The following CCDC15 variants were observed in gnomAD, a reference collection of about 807,000 sequenced individuals.
The protein encoded by CCDC15 is coiled-coil domain-containing protein 15.
Under a neutral mutation model 114.5 loss-of-function variants are expected in CCDC15, and 105 were observed. The observed-to-expected ratio is 0.92, with a 90% confidence interval of 0.78 to 1.08. The LOEUF is 1.08. Among genes scored for constraint, CCDC15 ranks in the 50% least tolerant of loss-of-function variants. The pLI, the probability that CCDC15 is intolerant of heterozygous loss-of-function variation, is 0.00. For missense variants in CCDC15, 1,105 were observed against 1,093.6 expected (o/e 1.01, Z -0.15); for synonymous variants, 334 against 377.8 (o/e 0.88, Z 1.34).
intron 2 of CCDC15, among the ~76,000 whole-genome samples, chr11:124,955,555 C>T (rs1255844392): frequency 6.6e-6 from 1 of 152,176 alleles, no homozygotes; most frequent in Non-Finnish European, 1.5e-5. Context: ...GCGTAGAGAA[C>T]AAATGTCATT....
chr11:124,957,403 T>C (rs573474854), intron 2 of CCDC15, among the ~76,000 whole-genome samples: 1 of 152,332 alleles, frequency 6.6e-6, no homozygotes, highest in African/African-American at 2.4e-5. Flanking sequence ...TGTTTCTCTT[T>C]TCACATGGCT....
At chr11:125,011,680 AT>A (rs1948594390) in intron 13 of CCDC15, among the ~76,000 whole-genome samples, 1 of 152,188 alleles carries the variant, frequency 6.6e-6, no homozygotes, top group South Asian at 2.1e-4. Flanking sequence ...GGGATAACTG[AT>A]TTAAGCCTGC....
chr11:124,986,691 T>TGTGTGTGTGTGTGTGTG lies in CCDC15; in HGVS notation c.754-51_754-50insGTGTGTGTGTGTGTGTG, dbSNP rs1555068459. On this transcript the variant is annotated intron_variant, in intron 6 of 15. Transcript: ENST00000344762. Reference sequence around the variant, plus strand: ...GCTGTGTGTGTGTGTGTGTGTGTGTTTGTGTGTGTGCGCGCGCGCGCGTGC... The same window carrying TGTGTGTGTGTGTGTGTG: ...GCTGTGTGTGTGTGTGTGTGTGTGTTGTGTGTGTGTGTGTGTGTGTGTGTGTGCGCGCGCGCGCGTGC... The TGTGTGTGTGTGTGTGTG allele has an allele frequency of 3.2e-4, 388 of 1,223,018 alleles. 5 individuals carry two copies. In the African/African-American group the frequency reaches 6.3e-3, roughly 20 times the overall value. The allele number at this position is 1,223,018 out of a possible 1,614,324, so 75.8% of individuals were successfully genotyped here.
Position 124,987,503 on chromosome 11 carries a change from T to A in CCDC15, c.1277T>A (p.Val426Asp), listed in dbSNP as rs1948190727. ...GCTCTTCTAACGAAAAACCAGGATG[T>A]TTTACTCAAAGACCACTGTGTTCTC... ...NQALLTKNQD[V>D]LLKDHCVLPK... is the part of the protein sequence containing the mutation. The change falls in exon 8 of 16, where the codon GTT becomes GAT. Residue 426 changes from valine to aspartate, a missense_variant. Val to Asp is a radical substitution (Grantham distance 152). Transcript: ENST00000344762. 3.1e-6 allele frequency: 5 copies of A among 1,613,864 alleles called. No homozygotes were observed. The highest frequency in any genetic ancestry group is 3.4e-6 in the Non-Finnish European group (4 of 1,179,894).
intron 15 of CCDC15, chr11:125,039,536 T>TTAGTCC (rs1948801814): frequency 6.5e-6 from 1 of 153,110 alleles, no homozygotes. Context: ...TAGAGAAAAC[T>TTAGTCC]TAGTCCTTCA....
chr11:125,026,607 A>G (rs537348488), intron 13 of CCDC15, among the ~76,000 whole-genome samples: 8 of 152,282 alleles, frequency 5.3e-5, no homozygotes, highest in Admixed American at 2.6e-4. Context: ...TGATTGGTGG[A>G]GGCTTCTATT....
rs751080852 is a variant in CCDC15, at chr11:124,975,127, G to A, written c.548G>A (p.Arg183Gln). ...LSETMKQARH[R>Q]LASFKTVIKK... ...GAAACTATGAAACAGGCACGTCACC[G>A]GCTAGCATCCTTTAAAACCGTGATT... The change falls in exon 5 of 16, where the codon CGG becomes CAG. Residue 183 changes from arginine to glutamine, a missense_variant. Arg to Gln is a conservative substitution (Grantham distance 43). Coordinates refer to ENST00000344762, the MANE Select transcript of CCDC15 (RefSeq NM_025004.3). 20 of 1,593,350 alleles carry A rather than the reference G, an allele frequency of 1.3e-5. No individual in the cohort carries two copies. Among genetic ancestry groups the A allele is most frequent in the Non-Finnish European group, 1.5e-5 (17 of 1,171,516 alleles).
chr11:124,964,385 G>C (rs1051037272), intron 4 of CCDC15, among the ~76,000 whole-genome samples: 1 of 151,288 alleles, frequency 6.6e-6, no homozygotes, highest in Non-Finnish European at 1.5e-5. Context: ...GGATTCCTAG[G>C]TATTTTATTC....
At chr11:124,959,669 C>G (rs1947621703) in intron 3 of CCDC15, 146 bp from the exon 4 acceptor site, 7 of 579,664 alleles carry the variant, frequency 1.2e-5, no homozygotes, top group South Asian at 5.7e-5. Flanking sequence ...TGGGAGGTGC[C>G]TGGTAAATGT....
chr11:124,996,636 C>A (rs1948375588), intron 11 of CCDC15, among the ~76,000 whole-genome samples: 2 of 151,678 alleles, frequency 1.3e-5, no homozygotes, highest in Admixed American at 6.6e-5. Context: ...ACCATCACCA[C>A]CATCCATCTC....
intron 13 of CCDC15, among the ~76,000 whole-genome samples, chr11:125,022,796 G>T (rs921910543): frequency 6.6e-6 from 1 of 151,882 alleles, no homozygotes; most frequent in Non-Finnish European, 1.5e-5. Context: ...TTGTTTCAAA[G>T]TAATTTTTAG....
intron 13 of CCDC15, among the ~76,000 whole-genome samples, chr11:125,012,025 C>T (rs775966036): frequency 1.4e-4 from 21 of 152,298 alleles, no homozygotes; most frequent in Non-Finnish European, 2.4e-4. Flanking sequence ...TAGGTACATG[C>T]CCTGTAAGTG....
At chr11:125,017,051 C>T (rs181762520) in intron 13 of CCDC15, among the ~76,000 whole-genome samples, 1 of 152,228 alleles carries the variant, frequency 6.6e-6, no homozygotes, top group Admixed American at 6.6e-5. Flanking sequence ...TCATTTATGC[C>T]TTCTTTGCAT....
intron 11 of CCDC15, among the ~76,000 whole-genome samples, chr11:124,999,730 T>C (rs756012885): frequency 6.6e-6 from 1 of 152,078 alleles, no homozygotes; most frequent in Non-Finnish European, 1.5e-5. Flanking sequence ...TTTAAAAGTT[T>C]TGTCTGTTAA....
chr11:125,023,262 G>A (rs1219149319), intron 13 of CCDC15, among the ~76,000 whole-genome samples: 1 of 151,922 alleles, frequency 6.6e-6, no homozygotes, highest in African/African-American at 2.4e-5. Context: ...TTGCCTTTCT[G>A]TGTTTGTCAC....
chr11:125,009,289 GA>G (rs1168445366), intron 13 of CCDC15, among the ~76,000 whole-genome samples: 1 of 151,854 alleles, frequency 6.6e-6, no homozygotes, highest in Admixed American at 6.6e-5. Context: ...AGATGTTATT[GA>G]CATACTATGC....
intron 13 of CCDC15, among the ~76,000 whole-genome samples, chr11:125,014,843 A>G (rs1467865575): frequency 6.6e-6 from 1 of 152,198 alleles, no homozygotes; most frequent in East Asian, 1.9e-4. Context: ...ATTTAAGAAA[A>G]GTGGAAACAT....
Position 124,986,700 on chromosome 11 carries a change from T to TGCGCGCGC in CCDC15, c.754-36_754-29dup, listed in dbSNP as rs1555068495. On this transcript the variant is annotated intron_variant, in intron 6 of 15. Coordinates refer to ENST00000344762, the MANE Select transcript of CCDC15 (RefSeq NM_025004.3). The stretch of plus-strand genomic sequence containing the variant: ...GTGTGTGTGTGTGTGTTTGTGTGTG[T>TGCGCGCGC]GCGCGCGCGCGCGTGCGCGTTTTCA... The TGCGCGCGC allele has an allele frequency of 4.8e-5, 65 of 1,353,028 alleles. 1 individual carries two copies. The African/African-American group carries it at 7.3e-4, about 15-fold the overall frequency. 83.8% of individuals were successfully genotyped at this position (1,353,028 alleles called of 1,614,324 possible).
intron 8 of CCDC15, among the ~76,000 whole-genome samples, chr11:124,991,128 ATAGG>A (rs1481283202): frequency 2.0e-5 from 3 of 152,312 alleles, no homozygotes; most frequent in South Asian, 2.1e-4. Context: ...ATCCATTTTG[ATAGG>A]TAGGAGAGGG....
Sources: gnomAD v4.1 joint callset for allele counts (sites outside exome capture counted in the v4.1 genomes callset) on GRCh38, gnomAD v4.1.1 for gene constraint, MANE v1.5 for transcripts, NCBI Gene and HGNC (gene_info 2026-07-23, HGNC 2026-07-21) for gene names.